SHROOM2: variants seen among roughly 807,000 people sequenced by gnomAD.
SHROOM2 encodes the protein shroom family member 2, also known as protein Shroom2.
In SHROOM2, 33 loss-of-function variants were observed where a neutral mutation model predicts 75.9. The ratio of observed to expected loss-of-function variants is 0.43; its 90% confidence interval spans 0.33 to 0.58. The LOEUF (loss-of-function observed/expected upper bound fraction) is 0.58, where lower values mean the gene tolerates loss of function less well. SHROOM2 is among the 20% of genes least tolerant of loss of function. SHROOM2 has a pLI of 0.04. For missense variants in SHROOM2, 1,434 were observed against 1,461.2 expected (o/e 0.98, Z 0.30); for synonymous variants, 655 against 663.6 (o/e 0.99, Z 0.20).
intron 1 of SHROOM2, among the ~76,000 whole-genome samples, chrX:9,845,249 GT>G (rs1379593231): frequency 8.9e-6 from 1 of 112,472 alleles, no homozygotes; most frequent in East Asian, 2.8e-4. Flanking sequence ...CTTTTTTCTT[GT>G]TTTTGTTTTG....
intron 2 of SHROOM2, among the ~76,000 whole-genome samples, chrX:9,887,951 G>A (rs112414854): frequency 2.6e-5 from 3 of 113,312 alleles, no homozygotes; most frequent in Non-Finnish European, 5.6e-5. Flanking sequence ...TTGAGCACTC[G>A]CAATGTGGCC....
chrX:9,857,452 T>G (rs1245698679), intron 1 of SHROOM2, among the ~76,000 whole-genome samples: 1 of 109,572 alleles, frequency 9.1e-6, no homozygotes. Flanking sequence ...AGTGGTGCAG[T>G]CACGGCTCAC....
intron 1 of SHROOM2, among the ~76,000 whole-genome samples, chrX:9,857,592 T>C (rs149767041): frequency 0.035 from 3,846 of 110,097 alleles, 94 homozygotes; most frequent in African/African-American, 0.071. Flanking sequence ...CCTCACCATG[T>C]TGCCCAGGCT....
chrX:9,937,637 G>A lies in SHROOM2; in HGVS notation c.4091G>A (p.Arg1364Gln), dbSNP rs1367095808. Residue 1364 changes from arginine to glutamine, a missense_variant, in exon 7 of 10, where the codon CGG becomes CAG. Around this residue, in one of 3 missense-constraint regions of SHROOM2, gnomAD observed 1,340 missense variants for 1,338.3 expected, o/e 1.00. Coordinates refer to ENST00000380913, the MANE Select transcript of SHROOM2 (RefSeq NM_001649.4). ...CACCTCCTGGAAGAAGCCCAGCAAC[G>A]GAGGAAGCTGCTCCCCAAAATCCCC... ...DEHLLEEAQQ[R>Q]RKLLPKIPSP... 11 of 1,204,675 alleles carry A rather than the reference G, an allele frequency of 9.1e-6. No homozygotes were observed. Among genetic ancestry groups the A allele is most frequent in the Middle Eastern group, 2.3e-4 (1 of 4,337 alleles).
At chrX:9,890,746 A>G (rs1242820443) in intron 2 of SHROOM2, among the ~76,000 whole-genome samples, 3 of 102,228 alleles carry the variant, frequency 2.9e-5, no homozygotes, top group Non-Finnish European at 5.9e-5. Flanking sequence ...GTGGTCTCCA[A>G]GTCCCCTGCA....
chrX:9,797,427 A>C (rs561396957), intron 1 of SHROOM2, among the ~76,000 whole-genome samples: 1 of 112,492 alleles, frequency 8.9e-6, no homozygotes, highest in East Asian at 2.8e-4. Context: ...GTAACAGACT[A>C]TTCTCACAAA....
intron 1 of SHROOM2, among the ~76,000 whole-genome samples, chrX:9,839,920 A>T (rs1438150114): frequency 9.0e-6 from 1 of 111,682 alleles, no homozygotes; most frequent in Non-Finnish European, 1.9e-5. Context: ...TCGAGCTCTA[A>T]CTTCAACCTT....
chrX:9,900,981 A>G (rs1457522626), intron 5 of SHROOM2, among the ~76,000 whole-genome samples: 1 of 110,195 alleles, frequency 9.1e-6, no homozygotes, highest in Non-Finnish European at 1.9e-5. Flanking sequence ...TCTGTTTCCT[A>G]GTGTGGCCAT....
At chrX:9,813,108 T>C (rs1311892531) in intron 1 of SHROOM2, among the ~76,000 whole-genome samples, 1 of 112,100 alleles carries the variant, frequency 8.9e-6, no homozygotes, top group African/African-American at 3.2e-5. Flanking sequence ...TCTGCAATCC[T>C]TCTGGGGATG....
intron 8 of SHROOM2, among the ~76,000 whole-genome samples, chrX:9,940,337 G>A (rs1396527114): frequency 3.6e-5 from 4 of 111,836 alleles, no homozygotes; most frequent in African/African-American, 6.5e-5. Context: ...TTCTTTGCTC[G>A]CATGCCTTTG....
intron 1 of SHROOM2, among the ~76,000 whole-genome samples, chrX:9,816,741 C>G (rs1415170161): frequency 9.0e-6 from 1 of 110,867 alleles, no homozygotes; most frequent in Non-Finnish European, 1.9e-5. Context: ...CGGTGTCCCC[C>G]CTTAGACATG....
At chrX:9,945,856 A>G (rs1261645954) in intron 9 of SHROOM2, among the ~76,000 whole-genome samples, 1 of 112,735 alleles carries the variant, frequency 8.9e-6, no homozygotes, top group Non-Finnish European at 1.9e-5. Flanking sequence ...TATCAGTAAA[A>G]CAGCTAGTTT....
At chrX:9,908,984 T>TA (rs1034980502) in intron 5 of SHROOM2, among the ~76,000 whole-genome samples, 7 of 109,799 alleles carry the variant, frequency 6.4e-5, no homozygotes, top group East Asian at 2.8e-4. Flanking sequence ...AAAACAAAAA[T>TA]AAAAAAACAG....
intron 2 of SHROOM2, among the ~76,000 whole-genome samples, chrX:9,876,510 T>C (rs1368496803): frequency 8.9e-6 from 1 of 112,448 alleles, no homozygotes; most frequent in African/African-American, 3.2e-5. Flanking sequence ...AGGCAACCAC[T>C]AATCTGCCTT....
At position 9,895,527 on chromosome X, in the gene SHROOM2, A is replaced by G. The variant is rs2084323027; in HGVS notation, c.1619A>G (p.Lys540Arg). The change falls in exon 4 of 10, where the codon AAA (lysine) becomes AGA (arginine). Residue 540 changes from lysine to arginine, a missense_variant. Lys to Arg is a conservative substitution (Grantham distance 26). Transcript: ENST00000380913. ...ACAGGACGGTGTTACCCGCTGGACA[A>G]AGGGGCCGAGGGCTGCTCCGCGGGA... ...RETGRCYPLD[K>R]GAEGCSAGAQ... 2.2e-5 allele frequency: 26 copies of G among 1,195,180 alleles called. No individual in the cohort carries two copies. The highest frequency in any genetic ancestry group is 2.9e-5 in the Non-Finnish European group (26 of 888,060).
rs775783159 is a variant in SHROOM2, at chrX:9,896,585, G to T, written c.2677G>T (p.Gly893Trp). 16 of 1,209,232 alleles carry T rather than the reference G, an allele frequency of 1.3e-5. No homozygotes were observed. Among genetic ancestry groups the T allele is most frequent in the Non-Finnish European group, 1.8e-5 (16 of 894,688 alleles). The change falls in exon 4 of 10, where the codon GGG becomes TGG. Residue 893 changes from glycine (G) to tryptophan (W), a missense_variant. By Grantham distance (184) the Gly-to-Trp change is radical. Transcript: ENST00000380913. ...QRKPLEARSS[G>W]RCHSADDILD... The stretch of plus-strand genomic sequence containing the variant: ...GAAACCTCTGGAGGCCAGGAGCTCT[G>T]GGCGCTGCCACTCAGCGGATGACAT...
chrX:9,787,205 G>A (rs746474521), intron 1 of SHROOM2, among the ~76,000 whole-genome samples: 6 of 112,071 alleles, frequency 5.4e-5, no homozygotes, highest in African/African-American at 1.9e-4. Context: ...ACTGACTTTC[G>A]GCTTCCAGTC....
chrX:9,894,993 G>C lies in SHROOM2; in HGVS notation c.1085G>C (p.Arg362Thr). 1.7e-6 allele frequency: 2 copies of C among 1,210,713 alleles called. No individual in the cohort carries two copies. The highest frequency in any genetic ancestry group is 2.2e-6 in the Non-Finnish European group (2 of 895,182). Residue 362 changes from arginine to threonine, a missense_variant, in exon 4 of 10, where the codon AGA becomes ACA. Physicochemically the swap from Arg to Thr is moderately conservative, Grantham distance 71. Around this residue, in one of 3 missense-constraint regions of SHROOM2, gnomAD observed 1,340 missense variants for 1,338.3 expected, o/e 1.00. Transcript: ENST00000380913. The stretch of plus-strand genomic sequence containing the variant: ...CAGGCTCAGCCTCGTGGTGACCGGA[G>C]ACCAGAGCTCACCGATCGGCCTTGG... ...LAQAQPRGDRRPELTDRPWRS... is the reference protein window; with the variant it reads ...LAQAQPRGDRTPELTDRPWRS...
intron 2 of SHROOM2, among the ~76,000 whole-genome samples, chrX:9,874,921 T>A (rs192950787): frequency 0.01 from 1,054 of 104,024 alleles, 8 homozygotes; most frequent in Non-Finnish European, 0.013. Context: ...TCTCAAAAAA[T>A]TTTTTTTTAA....
Sources: allele counts gnomAD v4.1 joint callset (sites outside exome capture counted in the v4.1 genomes callset), GRCh38; gene constraint gnomAD v4.1.1; regional missense constraint gnomAD v4.1.1; transcripts MANE v1.5; gene names NCBI Gene and HGNC (gene_info 2026-07-23, HGNC 2026-07-21).